Variants in MAP2K5 observed in about 807,000 individuals in gnomAD.
The protein encoded by MAP2K5 is dual specificity mitogen-activated protein kinase kinase 5.
MAP2K5 carries 49 observed loss-of-function variants against 83.1 expected under a neutral mutation model. The ratio of observed to expected loss-of-function variants is 0.59; its 90% CI spans 0.47 to 0.75. MAP2K5 has a LOEUF of 0.75. Ranked by LOEUF, MAP2K5 falls within the 30% of genes least tolerant of loss-of-function variation. MAP2K5 has a pLI of 0.00. For missense variants in MAP2K5, 457 were observed against 557.5 expected (o/e 0.82, Z 1.82); for synonymous variants, 202 against 191.8 (o/e 1.05, Z -0.44).
chr15:67,657,027 A>T (rs553168014), intron 11 of MAP2K5, among the ~76,000 whole-genome samples: 1 of 152,210 alleles, frequency 6.6e-6, no homozygotes, highest in Non-Finnish European at 1.5e-5. Flanking sequence ...GGACAAAATG[A>T]ATCAGTGATG....
At chr15:67,621,087 T>G (rs1484595413) in intron 8 of MAP2K5, among the ~76,000 whole-genome samples, 1 of 151,978 alleles carries the variant, frequency 6.6e-6, no homozygotes, top group African/African-American at 2.4e-5. Context: ...ACAGCAAAAT[T>G]GAAAGGAAAA....
chr15:67,703,168 ATATACTG>A (rs1335445977), intron 15 of MAP2K5, among the ~76,000 whole-genome samples, 162 bp from the exon 16 acceptor site: 1 of 152,226 alleles, frequency 6.6e-6, no homozygotes, highest in African/African-American at 2.4e-5. Flanking sequence ...TAGATCATCT[ATATACTG>A]TATGCACAAA....
intron 11 of MAP2K5, among the ~76,000 whole-genome samples, chr15:67,654,767 T>C (rs1246120671): frequency 6.6e-6 from 1 of 152,004 alleles, no homozygotes; most frequent in African/African-American, 2.4e-5. Flanking sequence ...TTTATTTTAA[T>C]AGTATACAAA....
chr15:67,769,531 G>T lies in MAP2K5; in HGVS notation c.1135-71G>T. Reference sequence around the variant, plus strand: ...ATCTTTATACTCATCCTTCACATGGGTGGGTGGGGAATATAAAGAAAGAGA... The same window carrying T: ...ATCTTTATACTCATCCTTCACATGGTTGGGTGGGGAATATAAAGAAAGAGA... On this transcript the variant is annotated intron_variant, in intron 19 of 21. Transcript: ENST00000178640. The surrounding 1 kb of genome is among the most constrained non-coding windows in gnomAD (Gnocchi z 5.2). 3.8e-6 allele frequency: 5 copies of T among 1,333,104 alleles called. No homozygotes were observed. The highest frequency in any genetic ancestry group is 5.4e-6 in the Non-Finnish European group (5 of 926,614). 82.6% of individuals were successfully genotyped at this position (1,333,104 alleles called of 1,614,324 possible). A position where few individuals can be genotyped will look rare whatever the true frequency, so the allele number is the denominator to read the frequency against.
intron 2 of MAP2K5, among the ~76,000 whole-genome samples, chr15:67,551,721 G>C (rs2140946896): frequency 6.6e-6 from 1 of 152,218 alleles, no homozygotes; most frequent in East Asian, 1.9e-4. Context: ...GCTTGCTGTA[G>C]CCTTGACCTC....
At position 67,658,627 on chromosome 15, in the gene MAP2K5, C is replaced by G. The variant is rs749672105; in HGVS notation, c.798+13C>G. On this transcript the variant is annotated intron_variant, in intron 12 of 21. Coordinates refer to ENST00000178640, the MANE Select transcript of MAP2K5 (RefSeq NM_145160.3). ...AATTGCAGTAGCAGTAAGTATATGGCTTCAGTGTTAGGAAATTTGAGTGAT... is the reference window on the plus strand; with the variant it reads ...AATTGCAGTAGCAGTAAGTATATGGGTTCAGTGTTAGGAAATTTGAGTGAT... 4 of 1,602,298 alleles carry G rather than the reference C, an allele frequency of 2.5e-6. No homozygotes were observed. In the African/African-American group the frequency reaches 5.4e-5, roughly 21 times the overall value.
chr15:67,648,012 T>G (rs1309234436), intron 11 of MAP2K5, among the ~76,000 whole-genome samples: 1 of 152,076 alleles, frequency 6.6e-6, no homozygotes. Flanking sequence ...TGCACTCCAG[T>G]CTAGGCAACA....
At chr15:67,791,638 C>T (rs1416344724) in intron 21 of MAP2K5, among the ~76,000 whole-genome samples, 1 of 152,102 alleles carries the variant, frequency 6.6e-6, no homozygotes, top group African/African-American at 2.4e-5. Flanking sequence ...AGTGCAAATC[C>T]CAGCTCTACC....
chr15:67,674,796 T>G (rs1049032349), intron 13 of MAP2K5, among the ~76,000 whole-genome samples: 1 of 152,066 alleles, frequency 6.6e-6, no homozygotes, highest in Non-Finnish European at 1.5e-5. Flanking sequence ...GGCAAAGACA[T>G]GAAGAGACAT....
chr15:67,788,174 T>C (rs900507575), intron 21 of MAP2K5, among the ~76,000 whole-genome samples: 8 of 152,240 alleles, frequency 5.3e-5, no homozygotes, highest in Non-Finnish European at 1.2e-4. Flanking sequence ...TACTTTGCTT[T>C]ATATATTTGA....
chr15:67,629,090 C>T (rs1186282297), intron 8 of MAP2K5: 32 of 734,486 alleles, frequency 4.4e-5, no homozygotes, highest in East Asian at 1.3e-4. Context: ...GTGGCCATGG[C>T]GGTTCCAGTA....
In MAP2K5 at chr15:67,668,556, C is replaced by T. The variant is rs768577118; in HGVS notation, c.847+3911C>T. On this transcript the variant is annotated intron_variant, in intron 13 of 21. Transcript: ENST00000178640. This position sits in a 1 kb window ranked among gnomAD's most constrained non-coding sequence, Gnocchi z 4.0. ...CGCAGCTTCACTTCAAAACATACATCGCCACTAATGAGGTGAGAGCCCTGC... is the reference window on the plus strand; with the variant it reads ...CGCAGCTTCACTTCAAAACATACATTGCCACTAATGAGGTGAGAGCCCTGC... 8.5e-5 allele frequency among the ~76,000 whole-genome samples: 13 copies of T among 152,082 alleles called. No homozygotes were observed. The highest frequency in any genetic ancestry group is 2.1e-4 in the South Asian group (1 of 4,824).
In MAP2K5 at chr15:67,702,776, G is replaced by A. The variant is rs2141214757; in HGVS notation, c.973-561G>A. 6.6e-6 allele frequency among the ~76,000 whole-genome samples: 1 copy of A among 152,264 alleles called. No homozygotes were observed. The highest frequency in any genetic ancestry group is 1.5e-5 in the Non-Finnish European group (1 of 68,016). Reference sequence around the variant, plus strand: ...GAAACTCTGATCAATGGAATGAAATGTTGAACAGCAGATGAATCTGGGTAA... The same window carrying A: ...GAAACTCTGATCAATGGAATGAAATATTGAACAGCAGATGAATCTGGGTAA... On this transcript the variant is annotated intron_variant, in intron 15 of 21. Coordinates refer to ENST00000178640, the MANE Select transcript of MAP2K5 (RefSeq NM_145160.3). This position sits in a 1 kb window ranked among gnomAD's most constrained non-coding sequence, Gnocchi z 4.6.
At chr15:67,551,221 A>C (rs534218387) in intron 2 of MAP2K5, among the ~76,000 whole-genome samples, 15 of 152,324 alleles carry the variant, frequency 9.8e-5, no homozygotes, top group Admixed American at 8.5e-4. Context: ...TCAACATATA[A>C]AATGTGCAAA....
chr15:67,684,373 C>T (rs765705056), intron 13 of MAP2K5, among the ~76,000 whole-genome samples: 1 of 152,110 alleles, frequency 6.6e-6, no homozygotes, highest in Admixed American at 6.5e-5. Context: ...CTAAACTAGC[C>T]CTGTAGTAGT....
In MAP2K5 at chr15:67,698,789, C is replaced by G. The variant is rs1369241735; in HGVS notation, c.973-4548C>G. Among the ~76,000 whole-genome samples, 1 of 152,162 alleles carries G rather than the reference C, an allele frequency of 6.6e-6. No individual in the cohort carries two copies. The highest frequency in any genetic ancestry group is 2.4e-5 in the African/African-American group (1 of 41,426). ...AACACATACACATTGCATGATCCAA[C>G]TCAATTGGCTATGCTCATGCGATGG... On this transcript the variant is annotated intron_variant, in intron 15 of 21. Transcript: ENST00000178640. This position sits in a 1 kb window ranked among gnomAD's most constrained non-coding sequence, Gnocchi z 4.5.
At chr15:67,558,620 C>T (rs980701575) in intron 2 of MAP2K5, among the ~76,000 whole-genome samples, 3 of 152,210 alleles carry the variant, frequency 2.0e-5, no homozygotes, top group Non-Finnish European at 4.4e-5. Flanking sequence ...TGGCCTCAAC[C>T]TGTCCCACCA....
At position 67,640,949 on chromosome 15, in the gene MAP2K5, A is replaced by G. The variant is rs543438639; in HGVS notation, c.586-5282A>G. ...ACATTTTAAAGATAACTATTTCATA[A>G]TGACCATGTGTAATTCATGAAACGT... is the stretch of plus-strand genomic sequence containing the variant. On this transcript the variant is annotated intron_variant, in intron 9 of 21. Coordinates refer to ENST00000178640, the MANE Select transcript of MAP2K5 (RefSeq NM_145160.3). The surrounding 1 kb of genome is among the most constrained non-coding windows in gnomAD (Gnocchi z 4.6). Among the ~76,000 whole-genome samples, 6 of 152,234 alleles carry G rather than the reference A, an allele frequency of 3.9e-5. No individual in the cohort carries two copies. Among genetic ancestry groups the G allele is most frequent in the African/African-American group, 1.2e-4 (5 of 41,470 alleles).
At chr15:67,759,141 G>A (rs1389161492) in intron 19 of MAP2K5, among the ~76,000 whole-genome samples, 1 of 152,142 alleles carries the variant, frequency 6.6e-6, no homozygotes, top group Non-Finnish European at 1.5e-5. Flanking sequence ...ATTCATTCAT[G>A]TAGAATCACT....
Sources: allele counts gnomAD v4.1 joint callset (sites outside exome capture counted in the v4.1 genomes callset), GRCh38; gene constraint gnomAD v4.1.1; non-coding constraint Gnocchi (gnomAD v3.1); transcripts MANE v1.5; gene names NCBI Gene and HGNC (gene_info 2026-07-23, HGNC 2026-07-21).